Variants in BMPR2 observed in about 807,000 individuals in gnomAD.
The protein encoded by BMPR2 is bone morphogenetic protein receptor type-2.
BMPR2 carries 29 observed loss-of-function variants against 100.8 expected under a neutral mutation model. The ratio of observed to expected loss-of-function variants is 0.29; its 90% CI spans 0.21 to 0.39. The LOEUF is 0.39. BMPR2 is among the 10% of genes least tolerant of loss of function. BMPR2 has a pLI of 1.00. For synonymous variants in BMPR2, 382 were observed against 442.3 expected, an observed-to-expected ratio of 0.86 and a Z score of 1.71; for missense variants, 1,011 against 1,274.5, an observed-to-expected ratio of 0.79 and a Z score of 3.15.
At chr2:202,550,947 C>CTTTTTT (rs34364158) in intron 10 of BMPR2, among the ~76,000 whole-genome samples, 1 of 68,342 alleles carries the variant, frequency 1.5e-5, no homozygotes, top group Non-Finnish European at 2.6e-5. Flanking sequence ...AGCATATCAG[C>CTTTTTT]TTTTTTTTTT....
At chr2:202,510,372 G>A (rs903885823) in intron 3 of BMPR2, among the ~76,000 whole-genome samples, 3 of 151,984 alleles carry the variant, frequency 2.0e-5, no homozygotes, top group Non-Finnish European at 4.4e-5. Context: ...AGCTGAGATC[G>A]TACATCTGTG....
chr2:202,389,090 G>T (rs1008573104), intron 1 of BMPR2, among the ~76,000 whole-genome samples: 1 of 151,792 alleles, frequency 6.6e-6, no homozygotes, highest in African/African-American at 2.4e-5. Context: ...AAAATCAGCT[G>T]AGTGTGAGTC....
At chr2:202,477,077 T>C (rs1226121919) in intron 3 of BMPR2, among the ~76,000 whole-genome samples, 1 of 152,216 alleles carries the variant, frequency 6.6e-6, no homozygotes, top group Admixed American at 6.5e-5. Context: ...AAAACCTTGC[T>C]GTTAAACTTG....
rs187888602 is a variant in BMPR2 at position 202,416,377 on chromosome 2, C to T, written c.76+38827C>T. ...CCTCCTGGGCTTTATCAACCCACCT[C>T]GGCCTTCCAAGTAGCTGGAACTACA... On this transcript the variant is annotated intron_variant, in intron 1 of 12. Coordinates refer to ENST00000374580, the MANE Select transcript of BMPR2 (RefSeq NM_001204.7). 5.9e-4 allele frequency among the ~76,000 whole-genome samples: 90 copies of T among 151,368 alleles called. No homozygotes were observed. In the East Asian group the frequency reaches 9.7e-3, roughly 16 times the overall value.
At chr2:202,413,785 C>G (rs188137640) in intron 1 of BMPR2, among the ~76,000 whole-genome samples, 2 of 152,124 alleles carry the variant, frequency 1.3e-5, no homozygotes, top group East Asian at 3.9e-4. Context: ...CCACCTCAGT[C>G]TCTTGAATAG....
intron 1 of BMPR2, among the ~76,000 whole-genome samples, chr2:202,456,242 G>C (rs1292257894): frequency 6.6e-6 from 1 of 151,360 alleles, no homozygotes; most frequent in Non-Finnish European, 1.5e-5. Context: ...CTCAATCTCG[G>C]CTCACTGCAA....
At chr2:202,551,390 G>T (rs1574504556) in intron 10 of BMPR2, among the ~76,000 whole-genome samples, 1 of 151,392 alleles carries the variant, frequency 6.6e-6, no homozygotes, top group Non-Finnish European at 1.5e-5. Context: ...CGGGCGTGGT[G>T]GCAGGCGCCT....
chr2:202,454,488 G>C (rs990972550), intron 1 of BMPR2, among the ~76,000 whole-genome samples: 2 of 152,046 alleles, frequency 1.3e-5, no homozygotes, highest in African/African-American at 2.4e-5. Context: ...CAAGAGGCCT[G>C]GTATTTGATT....
rs1384610286 is a variant in BMPR2 at position 202,533,182 on chromosome 2, TCTTC to T, written c.1276+461_1276+464del. Among the ~76,000 whole-genome samples, 5 of 152,122 alleles carry T rather than the reference TCTTC, an allele frequency of 3.3e-5. No individual in the cohort carries two copies. In the East Asian group the frequency reaches 9.6e-4, roughly 29 times the overall value. ...CTCCCTCCTTCCTTCTTTCCTTCTT[TCTTC>T]CTTCCTTCCTCTTCTCTCACCTTAT... On this transcript the variant is annotated intron_variant, in intron 9 of 12. Transcript: ENST00000374580.
intron 1 of BMPR2, among the ~76,000 whole-genome samples, chr2:202,446,993 C>T (rs1220992597): frequency 2.0e-5 from 3 of 148,700 alleles, no homozygotes; most frequent in East Asian, 4.0e-4. Context: ...GTGTTTAATA[C>T]GGTCTTTCCC....
intron 3 of BMPR2, among the ~76,000 whole-genome samples, chr2:202,476,527 G>T (rs945910552): frequency 3.3e-5 from 5 of 152,186 alleles, no homozygotes; most frequent in African/African-American, 1.2e-4. Flanking sequence ...GGTGGCTCAT[G>T]CCTGTAATCC....
In BMPR2 at chr2:202,446,696, G is replaced by T. The variant is rs369734514; in HGVS notation, c.77-18113G>T. Among the ~76,000 whole-genome samples, 5 of 148,514 alleles carry T rather than the reference G, an allele frequency of 3.4e-5. 1 individual carries two copies. In the South Asian group the frequency reaches 1.1e-3, roughly 31 times the overall value. ...AAACAGAGTCTTGCTCTGTTGCTCA[G>T]GCTGGAGTGCAGTGGTGCCATCTCA... On this transcript the variant is annotated intron_variant, in intron 1 of 12. Coordinates refer to ENST00000374580, the MANE Select transcript of BMPR2 (RefSeq NM_001204.7).
intron 3 of BMPR2, among the ~76,000 whole-genome samples, chr2:202,512,117 A>G (rs1252872311): frequency 2.0e-5 from 3 of 152,236 alleles, no homozygotes; most frequent in Non-Finnish European, 4.4e-5. Flanking sequence ...CTATAGAAAT[A>G]TAGTTTAGAC....
intron 1 of BMPR2, among the ~76,000 whole-genome samples, chr2:202,434,920 T>A (rs1260682375): frequency 2.3e-4 from 26 of 112,052 alleles, no homozygotes; most frequent in Non-Finnish European, 3.3e-4. Flanking sequence ...TATATATATA[T>A]ATATATATAT....
chr2:202,499,802 C>G (rs1391861031), intron 3 of BMPR2, among the ~76,000 whole-genome samples: 1 of 152,032 alleles, frequency 6.6e-6, no homozygotes, highest in East Asian at 1.9e-4. Context: ...AGGAACAGGC[C>G]CAAAAGGAAA....
intron 2 of BMPR2, among the ~76,000 whole-genome samples, chr2:202,466,389 C>T (rs771989366): frequency 4.4e-4 from 67 of 152,018 alleles, no homozygotes; most frequent in Middle Eastern, 3.4e-3. Flanking sequence ...CGGGTTCAAG[C>T]GATTCTCCTG....
At chr2:202,478,307 A>G (rs538861975) in intron 3 of BMPR2, among the ~76,000 whole-genome samples, 5 of 152,350 alleles carry the variant, frequency 3.3e-5, no homozygotes, top group African/African-American at 1.2e-4. Flanking sequence ...GGCATGAGTT[A>G]TAGTGCTGTT....
intron 3 of BMPR2, among the ~76,000 whole-genome samples, chr2:202,483,322 G>A (rs1026721005): frequency 1.3e-5 from 2 of 151,370 alleles, no homozygotes; most frequent in African/African-American, 4.8e-5. Flanking sequence ...TCTTTTGATT[G>A]TATCCATAAT....
intron 3 of BMPR2, chr2:202,474,997 A>C (rs1559049727): frequency 1.3e-5 from 2 of 152,184 alleles, no homozygotes; most frequent in Non-Finnish European, 2.9e-5. Context: ...ACCCATATAC[A>C]ACCATTGTTA....
Sources: gnomAD v4.1 joint callset for allele counts (sites outside exome capture counted in the v4.1 genomes callset) on GRCh38, gnomAD v4.1.1 for gene constraint, MANE v1.5 for transcripts, NCBI Gene and HGNC (gene_info 2026-07-23, HGNC 2026-07-21) for gene names.